NFIX: variants seen among roughly 807,000 people sequenced by gnomAD.
The protein encoded by NFIX is nuclear factor 1 X-type.
Under a neutral mutation model 53.3 loss-of-function variants are expected in NFIX, and 2 were observed. The observed-to-expected ratio is 0.04, with a 90% confidence interval of 0.02 to 0.12. The LOEUF (loss-of-function observed/expected upper bound fraction) is 0.12, where lower values mean the gene tolerates loss of function less well. Ranked by LOEUF, NFIX falls within the 10% of genes least tolerant of loss-of-function variation. The pLI, the probability that NFIX is intolerant of heterozygous loss-of-function variation, is 1.00. For missense variants in NFIX, 310 were observed against 674.5 expected (o/e 0.46, Z 5.99); for synonymous variants, 244 against 289.0 (o/e 0.84, Z 1.58).
At chr19:13,077,492 T>TC (rs1378960502) in intron 6 of NFIX, among the ~76,000 whole-genome samples, 1 of 151,828 alleles carries the variant, frequency 6.6e-6, no homozygotes, top group Non-Finnish European at 1.5e-5. Context: ...GGTAGGATGC[T>TC]CCCCCCTCCC....
In NFIX at chr19:13,052,868, C is replaced by G. The variant is rs989678172; in HGVS notation, c.560-20179C>G. 3.3e-5 allele frequency among the ~76,000 whole-genome samples: 5 copies of G among 152,194 alleles called. No individual in the cohort carries two copies. The highest frequency in any genetic ancestry group is 5.9e-5 in the Non-Finnish European group (4 of 68,036). On this transcript the variant is annotated intron_variant, in intron 2 of 10. Coordinates refer to ENST00000592199, the MANE Select transcript of NFIX (RefSeq NM_001365902.3). This position sits in a 1 kb window ranked among gnomAD's most constrained non-coding sequence, Gnocchi z 5.2. ...TTCTGTTCTGCCTGGCACTGCAGCC[C>G]AAGTCCCCAGGAGTCTGTGTCTTCC... is the stretch of plus-strand genomic sequence containing the variant.
Position 12,999,197 on chromosome 19 carries a change from G to A in NFIX, c.27+3333G>A, listed in dbSNP as rs113443081. ...TTTCTATTTTTTTTTTTTTTGAGAC[G>A]GAGCCTTGCTCTGTCGCCCAGGTTG... is the stretch of plus-strand genomic sequence containing the variant. On this transcript the variant is annotated intron_variant, in intron 1 of 10. Transcript: ENST00000592199. Among the ~76,000 whole-genome samples the A allele has an allele frequency of 8.9e-4, 134 of 150,062 alleles. 1 individual carries two copies. The highest frequency in any genetic ancestry group is 3.2e-3 in the African/African-American group (130 of 40,730).
chr19:13,065,529 A>T (rs1003512008), intron 2 of NFIX, among the ~76,000 whole-genome samples: 4 of 152,132 alleles, frequency 2.6e-5, no homozygotes, highest in Non-Finnish European at 5.9e-5. Flanking sequence ...GCCCACTCGC[A>T]TGTCCCATTG....
chr19:13,064,215 C>T (rs2016264799), intron 2 of NFIX, among the ~76,000 whole-genome samples: 1 of 152,208 alleles, frequency 6.6e-6, no homozygotes, highest in Non-Finnish European at 1.5e-5. Flanking sequence ...ACCCCACCAT[C>T]ACATGACTCT....
rs1341869412 is a variant in NFIX at position 13,098,190 on chromosome 19, A to G, written c.*3541A>G. 6.7e-6 allele frequency: 1 copy of G among 148,584 alleles called. No homozygotes were observed. Among genetic ancestry groups the G allele is most frequent in the African/African-American group, 2.5e-5 (1 of 40,464 alleles). 9.2% of individuals were successfully genotyped at this position (148,584 alleles called of 1,614,324 possible). A position where few individuals can be genotyped will look rare whatever the true frequency, so the allele number is the denominator to read the frequency against. ...AGACCCCCCCACACGAGAGAAAATA[A>G]AGGAGCAATAAAGTCACGAGAACTT... On this transcript the variant is annotated 3_prime_UTR_variant, in exon 11 of 11. Transcript: ENST00000592199.
rs183445570 is a variant in NFIX, at chr19:13,068,289, G to A, written c.560-4758G>A. ...ACAGCAGAAGGAAGAGGGGGGTGCTGAAGAGGTGAGGGGGAGGCAAAGGAA... is the reference window on the plus strand; with the variant it reads ...ACAGCAGAAGGAAGAGGGGGGTGCTAAAGAGGTGAGGGGGAGGCAAAGGAA... On this transcript the variant is annotated intron_variant, in intron 2 of 10. Transcript: ENST00000592199. The surrounding 1 kb of genome is among the most constrained non-coding windows in gnomAD (Gnocchi z 4.2). Among the ~76,000 whole-genome samples, 9 of 152,240 alleles carry A rather than the reference G, an allele frequency of 5.9e-5. No individual in the cohort carries two copies. The highest frequency in any genetic ancestry group is 2.6e-4 in the Admixed American group (4 of 15,294).
At chr19:12,997,004 G>C (rs1015303985) in intron 1 of NFIX, among the ~76,000 whole-genome samples, 1 of 152,382 alleles carries the variant, frequency 6.6e-6, no homozygotes, top group African/African-American at 2.4e-5. Flanking sequence ...CTCCGAAGAG[G>C]GGACATCTAG....
intron 2 of NFIX, among the ~76,000 whole-genome samples, chr19:13,050,876 C>T (rs976283473): frequency 6.6e-6 from 1 of 152,208 alleles, no homozygotes; most frequent in East Asian, 1.9e-4. Context: ...TGGCTCTTTC[C>T]CTTCACTCCT....
intron 6 of NFIX, among the ~76,000 whole-genome samples, chr19:13,076,822 G>C (rs943418427): frequency 2.0e-5 from 3 of 152,186 alleles, no homozygotes; most frequent in East Asian, 3.9e-4. Context: ...AGTTCTGGCA[G>C]CTTCTCCTCC....
intron 1 of NFIX, among the ~76,000 whole-genome samples, chr19:13,010,795 G>C (rs1248690825): frequency 6.6e-6 from 1 of 152,180 alleles, no homozygotes; most frequent in African/African-American, 2.4e-5. Context: ...AGGCCGCTCA[G>C]GGCATCTGGC....
intron 2 of NFIX, among the ~76,000 whole-genome samples, chr19:13,048,436 T>A (rs2015125593): frequency 6.6e-6 from 1 of 151,232 alleles, no homozygotes; most frequent in African/African-American, 2.4e-5. Flanking sequence ...CCCTGCCTTT[T>A]CACCAGGCTG....
At chr19:13,024,920 C>A (rs557663873) in intron 1 of NFIX, 101 bp from the exon 2 acceptor site, 3 of 1,474,602 alleles carry the variant, frequency 2.0e-6, no homozygotes, top group East Asian at 5.0e-5. Flanking sequence ...TTGTGCCCCC[C>A]CTTCTAACGC....
chr19:13,046,240 C>T (rs1190595173), intron 2 of NFIX, among the ~76,000 whole-genome samples: 1 of 152,004 alleles, frequency 6.6e-6, no homozygotes, highest in African/African-American at 2.4e-5. Flanking sequence ...TAGGAGGGCA[C>T]CATGGAGGGT....
chr19:13,064,307 T>C (rs1344340336), intron 2 of NFIX, among the ~76,000 whole-genome samples: 2 of 152,240 alleles, frequency 1.3e-5, no homozygotes, highest in African/African-American at 4.8e-5. Flanking sequence ...GAGAGGCGCC[T>C]GGCCTGGACG....
At chr19:13,076,538 GC>G (rs904921374) in intron 6 of NFIX, among the ~76,000 whole-genome samples, 31 of 152,192 alleles carry the variant, frequency 2.0e-4, no homozygotes, top group Admixed American at 2.0e-3. Flanking sequence ...CAGTGGTACA[GC>G]CCGTGTTTAT....
At chr19:13,003,107 G>A (rs200592853) in intron 1 of NFIX, among the ~76,000 whole-genome samples, 1 of 151,998 alleles carries the variant, frequency 6.6e-6, no homozygotes, top group African/African-American at 2.4e-5. Flanking sequence ...GAGTTGGGGG[G>A]GGGTTTATTC....
chr19:13,086,095 A>C (rs962688847), intron 8 of NFIX, among the ~76,000 whole-genome samples: 1 of 152,266 alleles, frequency 6.6e-6, no homozygotes, highest in Non-Finnish European at 1.5e-5. Flanking sequence ...TCTTTCATAC[A>C]GAGAGCTTCG....
chr19:13,022,697 C>T lies in NFIX; in HGVS notation c.28-2324C>T, dbSNP rs1192622121. ...CAGAGAGAAGGCGCAGCTGCTTCCC[C>T]AAGGCCTTCTGGGGCTCCCGCCCGC... On this transcript the variant is annotated intron_variant, in intron 1 of 10. Coordinates refer to ENST00000592199, the MANE Select transcript of NFIX (RefSeq NM_001365902.3). This position sits in a 1 kb window ranked among gnomAD's most constrained non-coding sequence, Gnocchi z 4.5. Among the ~76,000 whole-genome samples, 3 of 152,118 alleles carry T rather than the reference C, an allele frequency of 2.0e-5. No individual in the cohort carries two copies. The highest frequency in any genetic ancestry group is 2.4e-5 in the African/African-American group (1 of 41,424).
intron 10 of NFIX, among the ~76,000 whole-genome samples, chr19:13,091,991 A>G (rs1397931345): frequency 6.6e-6 from 1 of 152,172 alleles, no homozygotes; most frequent in Admixed American, 6.5e-5. Flanking sequence ...AGGTAGGAGG[A>G]AGGAGTCCCA....
Sources: gnomAD v4.1 joint callset for allele counts (sites outside exome capture counted in the v4.1 genomes callset) on GRCh38, gnomAD v4.1.1 for gene constraint, Gnocchi (gnomAD v3.1) non-coding constraint, MANE v1.5 for transcripts, NCBI Gene and HGNC (gene_info 2026-07-23, HGNC 2026-07-21) for gene names.